The following SH3BGRL variants were observed in gnomAD, a reference collection of about 807,000 sequenced individuals.
The protein encoded by SH3BGRL is adapter SH3BGRL.
In SH3BGRL, 7 loss-of-function variants were observed where a neutral mutation model predicts 9.8. The observed-to-expected ratio is 0.72, with a 90% confidence interval of 0.41 to 1.35. The LOEUF is 1.35. Among genes scored for constraint, SH3BGRL ranks in the 40% most tolerant of loss-of-function variants. The pLI is 0.01. For synonymous variants in SH3BGRL, 36 were observed against 29.1 expected, an observed-to-expected ratio of 1.24 and a Z score of -0.76; for missense variants, 73 against 84.4, an observed-to-expected ratio of 0.86 and a Z score of 0.53.
At chrX:81,274,087 A>G (rs970592762) in intron 1 of SH3BGRL, among the ~76,000 whole-genome samples, 1 of 111,981 alleles carries the variant, frequency 8.9e-6, no homozygotes, top group Non-Finnish European at 1.9e-5. Flanking sequence ...GGGTATCAAT[A>G]GCCTTTTAAC....
rs148100756 is a variant in SH3BGRL, at chrX:81,229,980, G to A, written c.45+27735G>A. On this transcript the variant is annotated intron_variant, in intron 1 of 3. Transcript: ENST00000373212. ...TCTGTATCAATTCTAGGCATATGTC[G>A]TAGTGGAAGGGACATTGAACTTGCA... Among the ~76,000 whole-genome samples, 18 of 111,667 alleles carry A rather than the reference G, an allele frequency of 1.6e-4. No homozygotes were observed. The East Asian group carries it at 4.0e-3, about 25-fold the overall frequency.
At chrX:81,202,376 CCTT>C (rs2075530942) in intron 1 of SH3BGRL, 131 bp downstream of exon 1, 33 of 942,404 alleles carry the variant, frequency 3.5e-5, no homozygotes, top group Non-Finnish European at 4.2e-5. Flanking sequence ...CCGATCCCAC[CCTT>C]CTTCTTCCCT....
At chrX:81,257,993 C>T (rs765106284) in intron 1 of SH3BGRL, among the ~76,000 whole-genome samples, 18 of 111,504 alleles carry the variant, frequency 1.6e-4, no homozygotes, top group Non-Finnish European at 2.8e-4. Context: ...TTCAATGAGT[C>T]TCCTGAGCAA....
intron 1 of SH3BGRL, among the ~76,000 whole-genome samples, chrX:81,251,114 A>G (rs2075708771): frequency 8.9e-6 from 1 of 112,102 alleles, no homozygotes; most frequent in African/African-American, 3.2e-5. Context: ...CATAAACTAA[A>G]TTGGGCAATC....
chrX:81,261,791 T>C (rs1488634397), intron 1 of SH3BGRL, among the ~76,000 whole-genome samples: 1 of 111,248 alleles, frequency 9.0e-6, no homozygotes, highest in Non-Finnish European at 1.9e-5. Flanking sequence ...ATTCAAATCC[T>C]AGGTAAAAAG....
chrX:81,233,332 C>T (rs1478345390), intron 1 of SH3BGRL, among the ~76,000 whole-genome samples: 2 of 112,043 alleles, frequency 1.8e-5, no homozygotes, highest in Non-Finnish European at 1.9e-5. Context: ...AGACCCTTTA[C>T]AATAACTCTT....
rs1018208419 is a variant in SH3BGRL at position 81,215,556 on chromosome X, G to A, written c.45+13311G>A. ...GAAAGTATGGGGATGTCAATTTGAG[G>A]GACTAAGTTACATGGTCTGCAAATA... On this transcript the variant is annotated intron_variant, in intron 1 of 3. Transcript: ENST00000373212. Among the ~76,000 whole-genome samples the A allele has an allele frequency of 3.6e-5, 4 of 110,972 alleles. No individual in the cohort carries two copies. The East Asian group carries it at 1.1e-3, about 32-fold the overall frequency.
intron 3 of SH3BGRL, among the ~76,000 whole-genome samples, chrX:81,295,768 A>G (rs1301904865): frequency 9.0e-6 from 1 of 111,713 alleles, no homozygotes; most frequent in Admixed American, 9.5e-5. Context: ...CATCTTCATC[A>G]GAGACCACCT....
At chrX:81,297,103 G>A (rs1010424764) in intron 3 of SH3BGRL, 92 bp from the exon 4 acceptor site, 121 of 688,049 alleles carry the variant, frequency 1.8e-4, no homozygotes, top group Non-Finnish European at 2.5e-4. Context: ...TTTATTCTTA[G>A]TAGTTGGAAC....
chrX:81,236,566 C>T (rs960151239), intron 1 of SH3BGRL, among the ~76,000 whole-genome samples: 3 of 111,217 alleles, frequency 2.7e-5, no homozygotes, highest in African/African-American at 9.8e-5. Flanking sequence ...AAATTTGGAT[C>T]CATGGGAATG....
intron 3 of SH3BGRL, among the ~76,000 whole-genome samples, chrX:81,292,271 C>T (rs1047114481): frequency 8.9e-6 from 1 of 112,161 alleles, no homozygotes; most frequent in African/African-American, 3.2e-5. Flanking sequence ...AGCTTCAACT[C>T]TTGCCTGCTG....
At chrX:81,219,254 G>A (rs2075592450) in intron 1 of SH3BGRL, among the ~76,000 whole-genome samples, 1 of 110,090 alleles carries the variant, frequency 9.1e-6, no homozygotes, top group Non-Finnish European at 1.9e-5. Context: ...ACATATATAT[G>A]TAGATTTATA....
chrX:81,274,701 A>G (rs2075792568), intron 1 of SH3BGRL, among the ~76,000 whole-genome samples: 1 of 111,338 alleles, frequency 9.0e-6, no homozygotes, highest in Admixed American at 9.5e-5. Flanking sequence ...GCCTGGGTGA[A>G]ACAGCAAGAC....
chrX:81,227,227 A>G (rs970438978), intron 1 of SH3BGRL, among the ~76,000 whole-genome samples: 4 of 112,482 alleles, frequency 3.6e-5, no homozygotes, highest in Admixed American at 1.9e-4. Context: ...ACCTGACACC[A>G]GTTAGAAACA....
intron 1 of SH3BGRL, among the ~76,000 whole-genome samples, chrX:81,218,309 A>T (rs1445749671): frequency 1.8e-5 from 2 of 109,523 alleles, no homozygotes; most frequent in African/African-American, 6.6e-5. Flanking sequence ...TACTTTTTTT[A>T]AAATTGTGTT....
intron 3 of SH3BGRL, among the ~76,000 whole-genome samples, chrX:81,281,145 C>T (rs1334189407): frequency 1.8e-5 from 2 of 110,472 alleles, no homozygotes; most frequent in Admixed American, 9.6e-5. Context: ...TAAGAAAATA[C>T]GAACAAAGCC....
chrX:81,274,581 G>A (rs1429861692), intron 1 of SH3BGRL, among the ~76,000 whole-genome samples: 1 of 109,021 alleles, frequency 9.2e-6, no homozygotes, highest in Non-Finnish European at 1.9e-5. Flanking sequence ...GACAGAGCTA[G>A]ACTCTGTCTC....
chrX:81,283,494 G>A (rs752815356), intron 3 of SH3BGRL, among the ~76,000 whole-genome samples: 72 of 111,654 alleles, frequency 6.4e-4, no homozygotes, highest in Middle Eastern at 4.6e-3. Flanking sequence ...TTCATACCAG[G>A]GATGCAGGGA....
chrX:81,217,123 T>C (rs2075583735), intron 1 of SH3BGRL, among the ~76,000 whole-genome samples: 1 of 111,099 alleles, frequency 9.0e-6, no homozygotes, highest in Non-Finnish European at 1.9e-5. Flanking sequence ...TGTCTTTGGA[T>C]AAAAGCCATT....
Sources: allele counts gnomAD v4.1 joint callset (sites outside exome capture counted in the v4.1 genomes callset), GRCh38; gene constraint gnomAD v4.1.1; transcripts MANE v1.5; gene names NCBI Gene and HGNC (gene_info 2026-07-23, HGNC 2026-07-21).